The following RNF216 variants were observed in gnomAD, a reference collection of about 807,000 sequenced individuals.
RNF216 encodes E3 ubiquitin-protein ligase RNF216.
Under a neutral mutation model 110.8 loss-of-function variants are expected in RNF216, and 72 were observed. That is an observed-to-expected ratio of 0.65 (90% confidence interval 0.54 to 0.79). RNF216 has a LOEUF of 0.79. Ranked by LOEUF, RNF216 falls within the 30% of genes least tolerant of loss-of-function variation. The pLI, the probability that RNF216 is intolerant of heterozygous loss-of-function variation, is 0.00. For missense variants in RNF216, 1,342 were observed against 1,141.2 expected, an observed-to-expected ratio of 1.18 and a Z score of -2.54; for synonymous variants, 495 against 407.5, an observed-to-expected ratio of 1.21 and a Z score of -2.59.
chr7:5,780,680 G>C (rs2128689408), intron 1 of RNF216, among the ~76,000 whole-genome samples: 1 of 152,010 alleles, frequency 6.6e-6, no homozygotes, highest in Non-Finnish European at 1.5e-5. Context: ...ACTCCAGCCT[G>C]GGCAACAGAG....
intron 5 of RNF216, among the ~76,000 whole-genome samples, chr7:5,737,149 A>G (rs1794468679): frequency 6.6e-6 from 1 of 152,256 alleles, no homozygotes; most frequent in Non-Finnish European, 1.5e-5. Context: ...AGAAGTAGAC[A>G]TAGGAGACTC....
intron 2 of RNF216, 116 bp downstream of exon 2, chr7:5,760,887 A>C (rs1360011779): frequency 4.9e-6 from 4 of 822,914 alleles, no homozygotes; most frequent in Non-Finnish European, 7.9e-6. Flanking sequence ...TTTTGTCAAA[A>C]ACGAAATGTC....
At chr7:5,652,341 C>G in intron 14 of RNF216, 72 bp downstream of exon 14, 1 of 1,092,520 alleles carries the variant, frequency 9.2e-7, no homozygotes, top group Non-Finnish European at 1.4e-6. Context: ...ACAGTATGCC[C>G]TCTCTACCAA....
chr7:5,673,146 T>C (rs74349839), intron 13 of RNF216, among the ~76,000 whole-genome samples: 4 of 152,222 alleles, frequency 2.6e-5, no homozygotes, highest in African/African-American at 9.6e-5. Context: ...CAACACCAAA[T>C]GCCCCACCTG....
intron 12 of RNF216, among the ~76,000 whole-genome samples, chr7:5,712,386 T>C (rs1329193314): frequency 6.6e-6 from 1 of 151,904 alleles, no homozygotes; most frequent in Non-Finnish European, 1.5e-5. Flanking sequence ...GGCATGAGAA[T>C]TGCTTGAACT....
intron 13 of RNF216, among the ~76,000 whole-genome samples, chr7:5,708,269 G>A (rs1157022993): frequency 6.6e-6 from 1 of 152,222 alleles, no homozygotes; most frequent in East Asian, 1.9e-4. Context: ...TGTTGTTCAA[G>A]TCAGCTGTTT....
chr7:5,735,915 G>A (rs1377457002), intron 5 of RNF216, among the ~76,000 whole-genome samples: 2 of 152,078 alleles, frequency 1.3e-5, no homozygotes, highest in African/African-American at 4.8e-5. Flanking sequence ...GCCAACATAG[G>A]GAAACTGTCT....
intron 15 of RNF216, among the ~76,000 whole-genome samples, chr7:5,640,669 G>C (rs747136513): frequency 1.3e-5 from 2 of 152,084 alleles, no homozygotes; most frequent in Non-Finnish European, 2.9e-5. Context: ...TACGTTAATA[G>C]AATTGTTAAT....
chr7:5,779,542 G>A (rs1338811236), intron 1 of RNF216, among the ~76,000 whole-genome samples: 1 of 151,762 alleles, frequency 6.6e-6, no homozygotes, highest in East Asian at 1.9e-4. Flanking sequence ...CCTTCTCAGC[G>A]CGTAAAGAAT....
intron 15 of RNF216, among the ~76,000 whole-genome samples, chr7:5,638,300 G>GT (rs1390167684): frequency 6.6e-6 from 1 of 152,260 alleles, no homozygotes; most frequent in African/African-American, 2.4e-5. Flanking sequence ...CATATCTCCT[G>GT]TTTTTTGGGA....
At chr7:5,742,458 A>T (rs75365889) in intron 3 of RNF216, among the ~76,000 whole-genome samples, 5 of 152,220 alleles carry the variant, frequency 3.3e-5, no homozygotes, top group Non-Finnish European at 2.9e-5. Context: ...AAAAACATAT[A>T]AAAAAATCTA....
At chr7:5,701,500 G>A (rs988155203) in intron 13 of RNF216, among the ~76,000 whole-genome samples, 1 of 152,194 alleles carries the variant, frequency 6.6e-6, no homozygotes, top group Non-Finnish European at 1.5e-5. Context: ...GCCAGGCACT[G>A]CACTTGACAC....
intron 5 of RNF216, among the ~76,000 whole-genome samples, chr7:5,737,899 C>T (rs1794519685): frequency 1.3e-5 from 2 of 151,910 alleles, no homozygotes; most frequent in Admixed American, 1.3e-4. Flanking sequence ...ACCAGCCTGA[C>T]CAACATGATG....
At chr7:5,668,391 T>C (rs1441820410) in intron 13 of RNF216, among the ~76,000 whole-genome samples, 1 of 151,978 alleles carries the variant, frequency 6.6e-6, no homozygotes, top group African/African-American at 2.4e-5. Flanking sequence ...GCCCGGCTAA[T>C]GTTTTGTATT....
At chr7:5,773,327 C>T (rs1049392614) in intron 1 of RNF216, among the ~76,000 whole-genome samples, 5 of 151,614 alleles carry the variant, frequency 3.3e-5, no homozygotes, top group African/African-American at 4.8e-5. Flanking sequence ...ACTGCAACCT[C>T]CACCTCCTGG....
chr7:5,715,584 CTT>C (rs1357043035), intron 10 of RNF216, among the ~76,000 whole-genome samples: 2 of 134,168 alleles, frequency 1.5e-5, no homozygotes, highest in African/African-American at 2.6e-5. Flanking sequence ...GAATTTTGTT[CTT>C]GTCATAAGGA....
intron 8 of RNF216, 50 bp downstream of exon 8, chr7:5,725,274 A>T (rs1432798893): frequency 9.1e-7 from 1 of 1,095,794 alleles, no homozygotes; most frequent in Admixed American, 1.8e-5. Flanking sequence ...GTGAAGAAGA[A>T]AAGGTACAGT....
At chr7:5,711,362 G>A (rs538225306) in intron 13 of RNF216, among the ~76,000 whole-genome samples, 6 of 152,310 alleles carry the variant, frequency 3.9e-5, no homozygotes, top group South Asian at 4.1e-4. Context: ...AAGAAGCGTC[G>A]TTTGGACTTT....
At position 5,741,791 on chromosome 7, in the gene RNF216, G is replaced by T. The variant is rs374954951; in HGVS notation, c.226C>A (p.Pro76Thr). The T allele has an allele frequency of 1.7e-5, 27 of 1,609,786 alleles. No homozygotes were observed. Among genetic ancestry groups the T allele is most frequent in the Non-Finnish European group, 2.2e-5 (26 of 1,178,798 alleles). Residue 76 changes from proline (P) to threonine (T), a missense_variant, in exon 4 of 17, where the codon CCC becomes ACC. By Grantham distance (38) the Pro-to-Thr change is conservative. Coordinates refer to ENST00000389902, the MANE Select transcript of RNF216 (RefSeq NM_207111.4). ...TETNKPQRSR[P>T]NLIKPAAQWQ... ...TGGGCAGCTGGTTTGATGAGATTGG[G>T]TCGTGATCTCTGAGGTTTATTTGTC...
Sources: gnomAD v4.1 joint callset for allele counts (sites outside exome capture counted in the v4.1 genomes callset) on GRCh38, gnomAD v4.1.1 for gene constraint, MANE v1.5 for transcripts, NCBI Gene and HGNC (gene_info 2026-07-23, HGNC 2026-07-21) for gene names.